TRAPPC10: variants seen among roughly 807,000 people sequenced by gnomAD.
TRAPPC10 encodes the protein TRAPP 130 kDa subunit.
In TRAPPC10, 23 loss-of-function variants were observed where a neutral mutation model predicts 125.5. That is an observed-to-expected ratio of 0.18 (90% confidence interval 0.13 to 0.26). The LOEUF (loss-of-function observed/expected upper bound fraction) is 0.26. TRAPPC10 is among the 10% of genes least tolerant of loss of function. TRAPPC10 has a pLI of 1.00. For missense variants in TRAPPC10, 1,123 were observed against 1,308.4 expected (o/e 0.86, Z 2.19); for synonymous variants, 509 against 518.0 (o/e 0.98, Z 0.24).
chr21:44,076,467 A>T, intron 9 of TRAPPC10, 85 bp from the exon 10 acceptor site: 1 of 1,054,412 alleles, frequency 9.5e-7, no homozygotes, highest in Non-Finnish European at 1.5e-6. Flanking sequence ...GAGGTCATCT[A>T]CCTGCAGTAT....
chr21:44,061,198 G>A (rs1008545145), intron 6 of TRAPPC10, among the ~76,000 whole-genome samples: 5 of 152,052 alleles, frequency 3.3e-5, no homozygotes, highest in South Asian at 4.2e-4. Context: ...GTGCAGTGGC[G>A]CCATCTCGGC....
chr21:44,043,781 G>A (rs180893408), intron 3 of TRAPPC10, among the ~76,000 whole-genome samples: 246 of 152,226 alleles, frequency 1.6e-3, no homozygotes, highest in African/African-American at 5.3e-3. Context: ...AAAAGATAAC[G>A]TGCCTTCTGC....
chr21:44,020,730 A>G (rs2032423772), intron 1 of TRAPPC10, among the ~76,000 whole-genome samples: 1 of 152,228 alleles, frequency 6.6e-6, no homozygotes, highest in Non-Finnish European at 1.5e-5. Context: ...CTTTAACTCA[A>G]TCTGTAGCTT....
chr21:44,015,948 ACCT>A (rs2031791642), intron 1 of TRAPPC10, among the ~76,000 whole-genome samples: 1 of 151,556 alleles, frequency 6.6e-6, no homozygotes, highest in Admixed American at 6.6e-5. Context: ...CCATAATTAA[ACCT>A]CCTGCCTAAC....
Position 44,077,694 on chromosome 21 carries a change from A to G in TRAPPC10, c.1379A>G (p.Asp460Gly), listed in dbSNP as rs1370853728. The G allele has an allele frequency of 6.2e-7, 1 of 1,600,034 alleles. No homozygotes were observed. The highest frequency in any genetic ancestry group is 1.1e-5 in the South Asian group (1 of 88,708). ...SVEAFEKHYL[D>G]LSHATIEMYT... is the part of the protein sequence containing the mutation. ...AATTGTGTTTTTACTTCCCCACAGG[A>G]TTTGTCCCATGCCACCATTGAAATG... Residue 460 changes from aspartate (D) to glycine (G), a missense_variant and splice_region_variant, in exon 11 of 23, where the codon GAT (aspartate) becomes GGT (glycine). Transcript: ENST00000291574.
chr21:44,086,780 G>A lies in TRAPPC10; in HGVS notation c.2381-22G>A, dbSNP rs370354093. On this transcript the variant is annotated intron_variant, in intron 15 of 22. Coordinates refer to ENST00000291574, the MANE Select transcript of TRAPPC10 (RefSeq NM_003274.5). ...GTCTTCCGGTTGGCAGCGGTGCTGAGCCACGATCTCTTTTCCTTTAGATAG... is the reference window on the plus strand; with the variant it reads ...GTCTTCCGGTTGGCAGCGGTGCTGAACCACGATCTCTTTTCCTTTAGATAG... The A allele has an allele frequency of 4.3e-6, 7 of 1,612,838 alleles. No homozygotes were observed. The African/African-American group carries it at 6.7e-5, about 15-fold the overall frequency.
intron 1 of TRAPPC10, among the ~76,000 whole-genome samples, chr21:44,031,320 A>G (rs1601593169): frequency 6.6e-6 from 1 of 152,342 alleles, no homozygotes; most frequent in Middle Eastern, 3.4e-3. Context: ...AGTCATCTAT[A>G]TTAAAAGGTT....
chr21:44,037,967 G>T lies in TRAPPC10; in HGVS notation c.285+40G>T, dbSNP rs746047869. On this transcript the variant is annotated intron_variant, in intron 3 of 22. Coordinates refer to ENST00000291574, the MANE Select transcript of TRAPPC10 (RefSeq NM_003274.5). ...GGGAAGAGGATGCGCGGTGGGATGG[G>T]GTTGGAGATGCGTGGAGAGTGCTGT... 1.9e-6 allele frequency: 3 copies of T among 1,602,352 alleles called. No homozygotes were observed. The Admixed American group carries it at 5.1e-5, about 27-fold the overall frequency.
intron 13 of TRAPPC10, among the ~76,000 whole-genome samples, chr21:44,080,695 G>T (rs1408188410): frequency 1.3e-5 from 2 of 151,786 alleles, no homozygotes; most frequent in Non-Finnish European, 2.9e-5. Context: ...CCGCCACCAT[G>T]CCCTGCTAAT....
intron 7 of TRAPPC10, among the ~76,000 whole-genome samples, chr21:44,073,154 C>A (rs1310393737): frequency 6.6e-6 from 1 of 152,102 alleles, no homozygotes; most frequent in Admixed American, 6.5e-5. Context: ...AGTAGCTTAT[C>A]TTATTTTTCA....
chr21:44,016,868 C>T (rs1013511293), intron 1 of TRAPPC10, among the ~76,000 whole-genome samples: 2 of 152,090 alleles, frequency 1.3e-5, no homozygotes, highest in African/African-American at 4.8e-5. Flanking sequence ...CCGTGTCAGC[C>T]AGGATGGTCT....
chr21:44,020,200 A>G (rs556213986), intron 1 of TRAPPC10, among the ~76,000 whole-genome samples: 233 of 149,844 alleles, frequency 1.6e-3, no homozygotes, highest in African/African-American at 5.3e-3. Flanking sequence ...GGCTTACTGC[A>G]AGCTCCGACT....
chr21:44,013,725 C>T (rs1199190506), intron 1 of TRAPPC10, among the ~76,000 whole-genome samples: 2 of 152,150 alleles, frequency 1.3e-5, no homozygotes, highest in East Asian at 1.9e-4. Flanking sequence ...CTCTCCTCCT[C>T]TCTCTTTTTT....
chr21:44,072,613 G>C (rs1465863704), intron 7 of TRAPPC10, among the ~76,000 whole-genome samples: 1 of 152,134 alleles, frequency 6.6e-6, no homozygotes, highest in African/African-American at 2.4e-5. Flanking sequence ...ACAGGTGCAT[G>C]CCACCACACC....
intron 19 of TRAPPC10, among the ~76,000 whole-genome samples, chr21:44,092,985 C>T (rs149457633): frequency 2.6e-5 from 4 of 152,136 alleles, no homozygotes; most frequent in Admixed American, 2.0e-4. Context: ...TTAATAGAGA[C>T]GTGGTTTCAC....
At chr21:44,075,487 AT>A (rs879495618) in intron 9 of TRAPPC10, among the ~76,000 whole-genome samples, 409 of 143,382 alleles carry the variant, frequency 2.9e-3, no homozygotes, top group Middle Eastern at 3.6e-3. Context: ...CGACCTGACG[AT>A]TTTTTTTTTT....
At chr21:44,055,998 C>T in intron 5 of TRAPPC10, 105 bp downstream of exon 5, 2 of 1,056,366 alleles carry the variant, frequency 1.9e-6, no homozygotes, top group Non-Finnish European at 2.6e-6. Flanking sequence ...TCGTGGTAAT[C>T]TCATTGGCAG....
chr21:44,073,542 A>G (rs1156351324), intron 7 of TRAPPC10, among the ~76,000 whole-genome samples: 1 of 151,962 alleles, frequency 6.6e-6, no homozygotes, highest in African/African-American at 2.4e-5. Flanking sequence ...TTTGTTTTTT[A>G]AGTGGAAAGG....
intron 18 of TRAPPC10, among the ~76,000 whole-genome samples, chr21:44,091,346 C>T (rs927773065): frequency 1.3e-5 from 2 of 152,212 alleles, no homozygotes; most frequent in African/African-American, 2.4e-5. Context: ...GTGAGGGTGA[C>T]CAGCCATGAT....
Sources: gnomAD v4.1 joint callset for allele counts (sites outside exome capture counted in the v4.1 genomes callset) on GRCh38, gnomAD v4.1.1 for gene constraint, MANE v1.5 for transcripts, NCBI Gene and HGNC (gene_info 2026-07-23, HGNC 2026-07-21) for gene names.